Variants in ITGA6 observed in about 807,000 individuals in gnomAD.
ITGA6 encodes the protein integrin subunit alpha 6.
In ITGA6, 63 loss-of-function variants were observed where a neutral mutation model predicts 133.6. The observed-to-expected ratio is 0.47, with a 90% confidence interval of 0.38 to 0.58. ITGA6 has a LOEUF of 0.58. Among genes scored for constraint, ITGA6 ranks in the 20% least tolerant of loss-of-function variants. The probability of loss-of-function intolerance (pLI) is 0.00; values close to 1 mark genes in which losing one functional copy is unlikely to be tolerated. For synonymous variants in ITGA6, 434 were observed against 482.0 expected (o/e 0.90, Z 1.30); for missense variants, 1,068 against 1,309.4 (o/e 0.82, Z 2.85).
chr2:172,504,010 G>GAA, intron 25 of ITGA6, 81 bp from the exon 26 acceptor site: 1 of 1,113,670 alleles, frequency 9.0e-7, no homozygotes, highest in African/African-American at 1.7e-5. Context: ...TAGCTGAACA[G>GAA]AAAGCTTAGA....
chr2:172,497,552 G>A (rs1301009323), intron 23 of ITGA6, among the ~76,000 whole-genome samples: 2 of 151,212 alleles, frequency 1.3e-5, no homozygotes, highest in Non-Finnish European at 2.9e-5. Flanking sequence ...TACCAGGTTA[G>A]ATAGATAGAA....
chr2:172,494,210 C>T (rs1311516845), intron 23 of ITGA6, among the ~76,000 whole-genome samples: 2 of 152,026 alleles, frequency 1.3e-5, no homozygotes, highest in African/African-American at 2.4e-5. Context: ...TCTTTATAAC[C>T]CCACGAATTT....
At chr2:172,485,605 A>G (rs887157530) in intron 13 of ITGA6, among the ~76,000 whole-genome samples, 3 of 152,234 alleles carry the variant, frequency 2.0e-5, no homozygotes, top group African/African-American at 7.2e-5. Context: ...ACCATTGAGA[A>G]TACTGAAATG....
In ITGA6 at chr2:172,491,178, C is replaced by T; in HGVS notation, c.2779-43C>T. 7.0e-7 allele frequency: 1 copy of T among 1,438,282 alleles called. No individual in the cohort carries two copies. The highest frequency in any genetic ancestry group is 9.8e-7 in the Non-Finnish European group (1 of 1,019,586). 89.1% of individuals were successfully genotyped at this position (1,438,282 alleles called of 1,614,324 possible). A position where few individuals can be genotyped will look rare whatever the true frequency, so the allele number is the denominator to read the frequency against. On this transcript the variant is annotated intron_variant, in intron 21 of 25. Coordinates refer to ENST00000684293, the MANE Select transcript of ITGA6 (RefSeq NM_000210.4). This position sits in a 1 kb window ranked among gnomAD's most constrained non-coding sequence, Gnocchi z 4.4. ...GAGAGGATGAGGGGAAGGATTTCTT[C>T]AGAACAATGTCTTTTGATGACCATT...
chr2:172,439,955 T>G (rs1574320186), intron 1 of ITGA6, among the ~76,000 whole-genome samples: 1 of 152,190 alleles, frequency 6.6e-6, no homozygotes, highest in African/African-American at 2.4e-5. Context: ...CATAGTGGGC[T>G]GGGAGAGATA....
rs1687200946 is a variant in ITGA6, at chr2:172,498,027, C to G, written c.3041C>G (p.Pro1014Arg). 2.7e-5 allele frequency: 43 copies of G among 1,613,500 alleles called. No homozygotes were observed. Among genetic ancestry groups the G allele is most frequent in the Non-Finnish European group, 3.6e-5 (43 of 1,179,608 alleles). ...ACTGTAGCTCAGTATTCGGGAGTACCTTGGTGGATCATCCTAGTGGCTATT... is the reference window on the plus strand; with the variant it reads ...ACTGTAGCTCAGTATTCGGGAGTACGTTGGTGGATCATCCTAGTGGCTATT... ...SKTVAQYSGV[P>R]WWIILVAILA... Residue 1014 changes from proline (P) to arginine (R), a missense_variant, in exon 24 of 26, where the codon CCT (proline) becomes CGT (arginine). Coordinates refer to ENST00000684293, the MANE Select transcript of ITGA6 (RefSeq NM_000210.4).
intron 8 of ITGA6, among the ~76,000 whole-genome samples, chr2:172,475,988 T>C (rs184509754): frequency 6.6e-6 from 1 of 152,342 alleles, no homozygotes; most frequent in East Asian, 1.9e-4. Context: ...TTCTCTTTAG[T>C]AGCATACTAA....
Position 172,501,728 on chromosome 2 carries a change from T to C in ITGA6, c.3115-44T>C, listed in dbSNP as rs372906100. On this transcript the variant is annotated intron_variant, in intron 24 of 25. Coordinates refer to ENST00000684293, the MANE Select transcript of ITGA6 (RefSeq NM_000210.4). ...GAGATGTTCTGTTGTTTGGCTCTTA[T>C]ACACAAAACTGTAAAATTGACTAAA... is the stretch of plus-strand genomic sequence containing the variant. 25 of 1,600,810 alleles carry C rather than the reference T, an allele frequency of 1.6e-5. No homozygotes were observed. In the East Asian group the frequency reaches 4.2e-4, roughly 27 times the overall value.
At chr2:172,451,166 A>T (rs1355351635) in intron 1 of ITGA6, among the ~76,000 whole-genome samples, 1 of 150,168 alleles carries the variant, frequency 6.7e-6, no homozygotes, top group Admixed American at 6.7e-5. Flanking sequence ...AAAGAAAAAA[A>T]TTTTTAAATA....
At position 172,479,676 on chromosome 2, in the gene ITGA6, C is replaced by T. The variant is rs1196691830; in HGVS notation, c.1424C>T (p.Thr475Ile). Residue 475 changes from threonine to isoleucine, a missense_variant, in exon 10 of 26, where the codon ACA becomes ATA. Coordinates refer to ENST00000684293, the MANE Select transcript of ITGA6 (RefSeq NM_000210.4). ...RPVINIQKTITVTPNRIDLRQ... is the reference protein window; with the variant it reads ...RPVINIQKTIIVTPNRIDLRQ... The stretch of plus-strand genomic sequence containing the variant: ...GTGATTAATATTCAGAAAACCATCA[C>T]AGTAACTCCTAACAGAATTGACCTC... 1 of 1,614,048 alleles carries T rather than the reference C, an allele frequency of 6.2e-7. No individual in the cohort carries two copies. The highest frequency in any genetic ancestry group is 1.3e-5 in the African/African-American group (1 of 74,974).
intron 1 of ITGA6, among the ~76,000 whole-genome samples, chr2:172,433,627 T>C (rs1168213491): frequency 1.3e-5 from 2 of 152,334 alleles, no homozygotes; most frequent in Non-Finnish European, 1.5e-5. Context: ...GGTGGCGGCA[T>C]GTCTAGCAAA....
intron 3 of ITGA6, chr2:172,468,850 A>G (rs1416514329): frequency 2.6e-6 from 1 of 384,464 alleles, no homozygotes; most frequent in African/African-American, 2.0e-5. Context: ...TTTACAAATA[A>G]ATTGCCTATG....
At chr2:172,454,144 T>C (rs1685119423) in intron 1 of ITGA6, among the ~76,000 whole-genome samples, 1 of 150,010 alleles carries the variant, frequency 6.7e-6, no homozygotes, top group Non-Finnish European at 1.5e-5. Flanking sequence ...AGTGCGGTGG[T>C]GCCATCTCGG....
chr2:172,470,468 C>T (rs1004462391), intron 4 of ITGA6, among the ~76,000 whole-genome samples: 3 of 152,020 alleles, frequency 2.0e-5, no homozygotes, highest in African/African-American at 7.3e-5. Context: ...CCATTTAAAG[C>T]CATATAGTGA....
At position 172,491,113 on chromosome 2, in the gene ITGA6, C is replaced by T. The variant is rs886664739; in HGVS notation, c.2769C>T (p.Tyr923=). Reference sequence around the variant, plus strand: ...TTTCTTTATTTGCTGAAAGAAAATACCAGACTCTTGTAAGTATTTTTCAAG... The same window carrying T: ...TTTCTTTATTTGCTGAAAGAAAATATCAGACTCTTGTAAGTATTTTTCAAG... ...RKFSLFAERK[Y]QTLNCSVNVN... The change falls in exon 21 of 26, where the codon TAC becomes TAT. Residue 923 remains tyrosine (Y), a synonymous_variant. Transcript: ENST00000684293. This position sits in a 1 kb window ranked among gnomAD's most constrained non-coding sequence, Gnocchi z 4.4. 6.6e-7 allele frequency: 1 copy of T among 1,505,944 alleles called. No homozygotes were observed. Among genetic ancestry groups the T allele is most frequent in the Non-Finnish European group, 9.2e-7 (1 of 1,081,582 alleles). The allele number at this position is 1,505,944 out of a possible 1,614,324, so 93.3% of individuals were successfully genotyped here.
chr2:172,490,903 G>C, intron 20 of ITGA6, 121 bp from the exon 21 acceptor site: 1 of 719,466 alleles, frequency 1.4e-6, no homozygotes, highest in Non-Finnish European at 2.5e-6. Context: ...TGGCAGGAGA[G>C]AGGCAAATAT....
At chr2:172,480,094 C>T (rs1686368145) in intron 11 of ITGA6, 43 bp downstream of exon 11, 2 of 1,168,414 alleles carry the variant, frequency 1.7e-6, no homozygotes, top group Non-Finnish European at 2.6e-6. Flanking sequence ...TTTCTGTCTG[C>T]CAGGTTGAAA....
Position 172,504,369 on chromosome 2 carries a change from C to A in ITGA6, c.*301C>A. The A allele has an allele frequency of 1.3e-6, 1 of 758,786 alleles. No individual in the cohort carries two copies. Among genetic ancestry groups the A allele is most frequent in the Non-Finnish European group, 2.1e-6 (1 of 471,834 alleles). 47.0% of individuals were successfully genotyped at this position (758,786 alleles called of 1,614,324 possible). A position where few individuals can be genotyped will look rare whatever the true frequency, so the allele number is the denominator to read the frequency against. ...GAGGACTGATTTCAGAGTGACTACA[C>A]ACAGTACGAACCTACAGTTTTAACT... On this transcript the variant is annotated 3_prime_UTR_variant, in exon 26 of 26. Transcript: ENST00000684293.
chr2:172,475,740 T>A (rs943763769), intron 8 of ITGA6, 55 bp downstream of exon 8: 2 of 947,246 alleles, frequency 2.1e-6, no homozygotes, highest in East Asian at 2.4e-5. Context: ...TGCCCTATAA[T>A]AAAATATTTA....
Sources: gnomAD v4.1 joint callset for allele counts (sites outside exome capture counted in the v4.1 genomes callset) on GRCh38, gnomAD v4.1.1 for gene constraint, Gnocchi (gnomAD v3.1) non-coding constraint, MANE v1.5 for transcripts, NCBI Gene and HGNC (gene_info 2026-07-23, HGNC 2026-07-21) for gene names.